Variants in TLL1 observed in about 807,000 individuals in gnomAD.
The protein encoded by TLL1 is tolloid-like protein 1.
Under a neutral mutation model 128.2 loss-of-function variants are expected in TLL1, and 49 were observed. The observed-to-expected ratio is 0.38, with a 90% CI of 0.30 to 0.48. TLL1 has a LOEUF of 0.48. Ranked by LOEUF, TLL1 falls within the 20% of genes least tolerant of loss-of-function variation. The pLI is 0.96. For synonymous variants in TLL1, 454 were observed against 418.8 expected (o/e 1.08, Z -1.03); for missense variants, 1,123 against 1,242.0 (o/e 0.90, Z 1.44).
chr4:166,057,022 A>G (rs1740044314), intron 13 of TLL1, among the ~76,000 whole-genome samples, 162 bp from the exon 14 acceptor site: 1 of 152,116 alleles, frequency 6.6e-6, no homozygotes, highest in East Asian at 1.9e-4. Flanking sequence ...AGAACCCCCA[A>G]CCATGATTCA....
intron 10 of TLL1, among the ~76,000 whole-genome samples, 179 bp downstream of exon 10, chr4:166,039,620 A>G (rs909086134): frequency 6.6e-6 from 1 of 152,124 alleles, no homozygotes; most frequent in African/African-American, 2.4e-5. Context: ...GGATAAATAC[A>G]TTGACTGATT....
intron 13 of TLL1, 151 bp from the exon 14 acceptor site, chr4:166,057,033 G>C: frequency 1.3e-6 from 1 of 772,122 alleles, no homozygotes. Flanking sequence ...CCATGATTCA[G>C]TTACCTCTCA....
intron 17 of TLL1, among the ~76,000 whole-genome samples, chr4:166,077,036 A>G (rs919469624): frequency 3.3e-5 from 5 of 152,138 alleles, no homozygotes; most frequent in African/African-American, 9.7e-5. Flanking sequence ...TGCTCTGGAA[A>G]TTTTAGAAAG....
chr4:165,993,080 C>T (rs549231272), intron 3 of TLL1, among the ~76,000 whole-genome samples, 196 bp downstream of exon 3: 1 of 151,978 alleles, frequency 6.6e-6, no homozygotes, highest in African/African-American at 2.4e-5. Flanking sequence ...TTGAAATGTT[C>T]CTTTAATTTA....
chr4:166,046,507 T>C (rs1739466384), intron 12 of TLL1, among the ~76,000 whole-genome samples: 1 of 152,146 alleles, frequency 6.6e-6, no homozygotes, highest in Non-Finnish European at 1.5e-5. Context: ...TTGATCCTGA[T>C]TTTGTTTGCA....
intron 1 of TLL1, among the ~76,000 whole-genome samples, chr4:165,919,258 C>G (rs975617088): frequency 1.1e-4 from 16 of 151,460 alleles, no homozygotes; most frequent in Non-Finnish European, 5.9e-5. Flanking sequence ...TGGTGTGCAC[C>G]TGTAGTCCCA....
At chr4:165,980,871 T>C (rs2110995933) in intron 1 of TLL1, among the ~76,000 whole-genome samples, 1 of 152,236 alleles carries the variant, frequency 6.6e-6, no homozygotes, top group Non-Finnish European at 1.5e-5. Context: ...ATAATGATAA[T>C]TAAATTGTCT....
intron 1 of TLL1, among the ~76,000 whole-genome samples, chr4:165,986,798 A>G (rs1010667224): frequency 7.2e-5 from 11 of 152,070 alleles, no homozygotes; most frequent in African/African-American, 2.7e-4. Flanking sequence ...CCTACTGCAT[A>G]TAAAAAGCCA....
At position 166,089,493 on chromosome 4, in the gene TLL1, C is replaced by T. The variant is rs76311076; in HGVS notation, c.2443-1635C>T. ...CTTATTCAGAATCTTCTGCATCCTA[C>T]GCAATGTGTGTACTCCACTGGGTTA... On this transcript the variant is annotated intron_variant, in intron 18 of 20. Coordinates refer to ENST00000061240, the MANE Select transcript of TLL1 (RefSeq NM_012464.5). Among the ~76,000 whole-genome samples the T allele has an allele frequency of 4.8e-3, 725 of 152,228 alleles. 9 individuals carry two copies. Among genetic ancestry groups the T allele is most frequent in the African/African-American group, 0.016 (656 of 41,574 alleles).
chr4:165,898,664 C>T (rs57418433), intron 1 of TLL1, among the ~76,000 whole-genome samples: 3,181 of 152,266 alleles, frequency 0.021, 100 homozygotes, highest in African/African-American at 0.071. Flanking sequence ...CATTGATGTT[C>T]ATCAGGGATA....
chr4:165,900,070 T>C (rs1309813318), intron 1 of TLL1, among the ~76,000 whole-genome samples: 1 of 150,414 alleles, frequency 6.6e-6, no homozygotes, highest in African/African-American at 2.5e-5. Context: ...TTTTTTTTTT[T>C]GGTTTCTATT....
intron 1 of TLL1, among the ~76,000 whole-genome samples, chr4:165,937,625 T>C (rs992273118): frequency 6.6e-6 from 1 of 152,194 alleles, no homozygotes; most frequent in African/African-American, 2.4e-5. Flanking sequence ...TTGATCTTCC[T>C]GTTGTCATTT....
At chr4:165,962,563 T>G (rs911842500) in intron 1 of TLL1, among the ~76,000 whole-genome samples, 34 of 152,256 alleles carry the variant, frequency 2.2e-4, no homozygotes, top group Middle Eastern at 3.4e-3. Flanking sequence ...AGCACTCTTA[T>G]TACTGGGTAT....
intron 1 of TLL1, among the ~76,000 whole-genome samples, chr4:165,896,479 CTTTTTT>C (rs70955648): frequency 9.8e-6 from 1 of 102,162 alleles, no homozygotes; most frequent in Admixed American, 1.2e-4. Flanking sequence ...AATGGTATTT[CTTTTTT>C]TTTTTTTTTT....
chr4:166,061,214 T>C (rs1367604567), intron 15 of TLL1, among the ~76,000 whole-genome samples: 1 of 152,032 alleles, frequency 6.6e-6, no homozygotes, highest in Admixed American at 6.6e-5. Flanking sequence ...TCTTCCTTTT[T>C]TACTGCCTAC....
At chr4:166,082,742 A>G (rs1741344374) in intron 18 of TLL1, among the ~76,000 whole-genome samples, 1 of 152,032 alleles carries the variant, frequency 6.6e-6, no homozygotes, top group South Asian at 2.1e-4. Flanking sequence ...CAATGGCGCA[A>G]TCTCAGCTCA....
chr4:166,084,348 G>A (rs1047873419), intron 18 of TLL1, among the ~76,000 whole-genome samples: 2 of 152,038 alleles, frequency 1.3e-5, no homozygotes, highest in South Asian at 2.1e-4. Context: ...TTTCCACTCT[G>A]TTGATTGCTC....
Position 165,998,753 on chromosome 4 carries a change from C to T in TLL1, c.632+3575C>T, listed in dbSNP as rs28407825. ...CGGAGCTTGCAGTGAGCCGAGATTGCACCACTGCACTCCAGCCTGGGGGAC... is the reference window on the plus strand; with the variant it reads ...CGGAGCTTGCAGTGAGCCGAGATTGTACCACTGCACTCCAGCCTGGGGGAC... On this transcript the variant is annotated intron_variant, in intron 5 of 20. Transcript: ENST00000061240. 6.6e-3 allele frequency among the ~76,000 whole-genome samples: 1,004 copies of T among 151,548 alleles called. 17 individuals carry two copies. The highest frequency in any genetic ancestry group is 0.022 in the African/African-American group (914 of 41,188).
At chr4:165,993,794 C>G (rs1043655768) in intron 3 of TLL1, among the ~76,000 whole-genome samples, 2 of 152,112 alleles carry the variant, frequency 1.3e-5, no homozygotes, top group Non-Finnish European at 2.9e-5. Context: ...GTACTGACCT[C>G]TAAATCATGC....
Sources: gnomAD v4.1 joint callset for allele counts (sites outside exome capture counted in the v4.1 genomes callset) on GRCh38, gnomAD v4.1.1 for gene constraint, MANE v1.5 for transcripts, NCBI Gene and HGNC (gene_info 2026-07-23, HGNC 2026-07-21) for gene names.